The following PLEKHG1 variants were observed in gnomAD, a reference collection of about 807,000 sequenced individuals.
PLEKHG1 encodes the protein pleckstrin homology domain-containing family G member 1.
Under a neutral mutation model 100.8 loss-of-function variants are expected in PLEKHG1, and 44 were observed. That is an observed-to-expected ratio of 0.44 (90% CI 0.34 to 0.56). The LOEUF (loss-of-function observed/expected upper bound fraction) is 0.56. Ranked by LOEUF, PLEKHG1 falls within the 20% of genes least tolerant of loss-of-function variation. PLEKHG1 has a pLI of 0.01. For synonymous variants in PLEKHG1, 640 were observed against 662.5 expected (o/e 0.97, Z 0.52); for missense variants, 1,545 against 1,720.9 (o/e 0.90, Z 1.81).
chr6:150,732,271 G>A lies in PLEKHG1; in HGVS notation c.-98-1313G>A, dbSNP rs139531279. Among the ~76,000 whole-genome samples, 1,015 of 152,114 alleles carry A rather than the reference G, an allele frequency of 6.7e-3. 9 individuals carry two copies. The highest frequency in any genetic ancestry group is 0.022 in the African/African-American group (928 of 41,464). On this transcript the variant is annotated intron_variant, in intron 1 of 15. Coordinates refer to ENST00000358517, the Ensembl canonical transcript of PLEKHG1. ...TTCTTATAATTTAGTTCCTATATGCGTCATATAATTACATGATTTTATAAC... is the reference window on the plus strand; with the variant it reads ...TTCTTATAATTTAGTTCCTATATGCATCATATAATTACATGATTTTATAAC...
exon 16 of PLEKHG1, chr6:150,842,249 C>T (rs533646494): frequency 6.6e-6 from 1 of 152,352 alleles, no homozygotes; most frequent in South Asian, 2.1e-4. Context: ...AATGCTTTCT[C>T]AAGCGGTGGC....
chr6:150,719,428 T>G (rs79300419), upstream of PLEKHG1, among the ~76,000 whole-genome samples: 3,895 of 152,250 alleles, frequency 0.026, 80 homozygotes, highest in South Asian at 0.054. Flanking sequence ...ATCTAAGAGT[T>G]TAGAGCTTTG....
chr6:150,751,107 T>G (rs368455827), intron 2 of PLEKHG1, among the ~76,000 whole-genome samples: 86 of 152,338 alleles, frequency 5.6e-4, no homozygotes, highest in African/African-American at 2.1e-3. Flanking sequence ...TTCTAAAGTA[T>G]TGTAATATTG....
chr6:150,616,404 T>C (rs201497617), intron 1 of PLEKHG1, among the ~76,000 whole-genome samples: 2 of 152,138 alleles, frequency 1.3e-5, no homozygotes, highest in Admixed American at 6.5e-5. Context: ...GATGTGGCAG[T>C]TGGGAGGGAG....
At chr6:150,650,446 G>A (rs1376068783) in intron 2 of PLEKHG1, among the ~76,000 whole-genome samples, 1 of 152,212 alleles carries the variant, frequency 6.6e-6, no homozygotes, top group African/African-American at 2.4e-5. Flanking sequence ...TATTTCAAGG[G>A]AAAGGGAAAA....
chr6:150,686,239 A>C (rs1208453804), intron 3 of PLEKHG1, among the ~76,000 whole-genome samples: 1 of 152,228 alleles, frequency 6.6e-6, no homozygotes, highest in Non-Finnish European at 1.5e-5. Flanking sequence ...AGTCTTTGAG[A>C]GTTTACTTGA....
intron 1 of PLEKHG1, among the ~76,000 whole-genome samples, chr6:150,732,143 T>C (rs999602280): frequency 3.9e-5 from 6 of 152,132 alleles, no homozygotes; most frequent in Non-Finnish European, 5.9e-5. Flanking sequence ...TTTGTATTTT[T>C]TTTAGTAGAG....
chr6:150,778,013 G>A (rs555037173), intron 3 of PLEKHG1, among the ~76,000 whole-genome samples: 2 of 152,336 alleles, frequency 1.3e-5, no homozygotes, highest in Admixed American at 1.3e-4. Context: ...CTTTTATAGC[G>A]AGATGTCTTC....
intron 3 of PLEKHG1, among the ~76,000 whole-genome samples, chr6:150,769,315 C>T (rs1644918626): frequency 1.3e-5 from 2 of 152,026 alleles, no homozygotes; most frequent in Non-Finnish European, 2.9e-5. Flanking sequence ...GACATGGTGG[C>T]TCACACCTGT....
At chr6:150,818,066 AGTTTTTAAAC>A in intron 10 of PLEKHG1, 107 bp from the exon 12 acceptor site, 1 of 819,874 alleles carries the variant, frequency 1.2e-6, no homozygotes, top group South Asian at 1.5e-5. Context: ...ATAAATAGCG[AGTTTTTAAAC>A]GTTTTTAAAA....
At chr6:150,824,053 A>C (rs762509562) in intron 14 of PLEKHG1, among the ~76,000 whole-genome samples, 11 of 151,844 alleles carry the variant, frequency 7.2e-5, no homozygotes, top group Non-Finnish European at 1.6e-4. Flanking sequence ...CCTGGATATA[A>C]CTCCCTCCTC....
chr6:150,734,899 G>T (rs1356814476), intron 2 of PLEKHG1, among the ~76,000 whole-genome samples: 2 of 151,716 alleles, frequency 1.3e-5, no homozygotes, highest in Non-Finnish European at 2.9e-5. Context: ...CGTTTTAAAG[G>T]ATAAAGCAAG....
At chr6:150,695,526 G>C (rs1780508187) in intron 3 of PLEKHG1, among the ~76,000 whole-genome samples, 1 of 152,176 alleles carries the variant, frequency 6.6e-6, no homozygotes, top group Admixed American at 6.5e-5. Flanking sequence ...CAGTGGTTAA[G>C]AACACTAAAA....
At chr6:150,802,246 A>G (rs1786757506) in intron 6 of PLEKHG1, among the ~76,000 whole-genome samples, 2 of 152,180 alleles carry the variant, frequency 1.3e-5, no homozygotes, top group South Asian at 4.1e-4. Flanking sequence ...CATCAGGGAT[A>G]TTATTTTAAT....
chr6:150,713,903 G>A (rs75424649), intron 3 of PLEKHG1, among the ~76,000 whole-genome samples: 4,698 of 152,252 alleles, frequency 0.031, 125 homozygotes, highest in African/African-American at 0.07. Context: ...GCAAGCCTCC[G>A]TAAAGGTGAT....
At chr6:150,824,521 C>CT (rs796906214) in intron 14 of PLEKHG1, among the ~76,000 whole-genome samples, 3,731 of 145,502 alleles carry the variant, frequency 0.026, 106 homozygotes, top group African/African-American at 0.067. Context: ...TCAACGTAGT[C>CT]TTTTTTTTTT....
rs148319379 is a variant in PLEKHG1 at position 150,733,431 on chromosome 6, A to G, written c.-98-153A>G. Among the ~76,000 whole-genome samples the G allele has an allele frequency of 9.7e-4, 148 of 152,264 alleles. 1 individual carries two copies. The highest frequency in any genetic ancestry group is 3.4e-3 in the African/African-American group (142 of 41,554). Reference sequence around the variant, plus strand: ...GATGCTTCAGAAACACTGATTTTGCATCTCACTCCACCACAGGTACCTTTG... The same window carrying G: ...GATGCTTCAGAAACACTGATTTTGCGTCTCACTCCACCACAGGTACCTTTG... On this transcript the variant is annotated intron_variant, in intron 1 of 15. Coordinates refer to ENST00000358517, the Ensembl canonical transcript of PLEKHG1.
intron 3 of PLEKHG1, among the ~76,000 whole-genome samples, chr6:150,689,677 A>T (rs1010810922): frequency 6.6e-6 from 1 of 152,068 alleles, no homozygotes; most frequent in Admixed American, 6.6e-5. Flanking sequence ...AGCCTGACCA[A>T]CATGGTGGTC....
At chr6:150,674,411 T>G (rs1022933455) in intron 3 of PLEKHG1, among the ~76,000 whole-genome samples, 1 of 152,202 alleles carries the variant, frequency 6.6e-6, no homozygotes, top group African/African-American at 2.4e-5. Context: ...AAGAATGACC[T>G]CAGAGTCCAA....
Sources: allele counts gnomAD v4.1 joint callset (sites outside exome capture counted in the v4.1 genomes callset), GRCh38; gene constraint gnomAD v4.1.1; transcripts MANE v1.5; gene names NCBI Gene and HGNC (gene_info 2026-07-23, HGNC 2026-07-21).